The following CLSTN1 variants were observed in gnomAD, a reference collection of about 807,000 sequenced individuals.
The protein encoded by CLSTN1 is calsyntenin-1.
In CLSTN1, 28 loss-of-function variants were observed where a neutral mutation model predicts 108.3. The ratio of observed to expected loss-of-function variants is 0.26; its 90% CI spans 0.19 to 0.35. The LOEUF (loss-of-function observed/expected upper bound fraction) is 0.35, where lower values mean the gene tolerates loss of function less well. CLSTN1 is among the 10% of genes least tolerant of loss of function. The pLI, the probability that CLSTN1 is intolerant of heterozygous loss-of-function variation, is 1.00. For missense variants in CLSTN1, 1,157 were observed against 1,302.6 expected (o/e 0.89, Z 1.72); for synonymous variants, 524 against 534.9 (o/e 0.98, Z 0.28).
In CLSTN1 at chr1:9,731,822, C is replaced by T. The variant is rs373408826; in HGVS notation, c.2502G>A (p.Pro834=). The T allele has an allele frequency of 5.5e-5, 88 of 1,614,014 alleles. No homozygotes were observed. The highest frequency in any genetic ancestry group is 8.0e-5 in the African/African-American group (6 of 74,902). Residue 834 remains proline (P), a synonymous_variant, in exon 17 of 19, where the codon CCG becomes CCA. Coordinates refer to ENST00000377298, the MANE Select transcript of CLSTN1 (RefSeq NM_001009566.3). The part of the protein sequence containing the change: ...HMAAQPQFVH[P]EHRSFVDLSG... ...ACAGGTCAACAAAGGAGCGGTGTTC[C>T]GGGTGCACGAACTGTGGCTGGGCAG...
At chr1:9,743,320 G>A (rs1651072845) in intron 9 of CLSTN1, among the ~76,000 whole-genome samples, 1 of 152,194 alleles carries the variant, frequency 6.6e-6, no homozygotes, top group African/African-American at 2.4e-5. Context: ...TGCAATCCCA[G>A]CACTTTGGGC....
intron 1 of CLSTN1, among the ~76,000 whole-genome samples, chr1:9,784,613 A>G (rs1014027343): frequency 3.3e-5 from 5 of 152,240 alleles, no homozygotes; most frequent in African/African-American, 1.2e-4. Context: ...AAATATTGCA[A>G]GAGACTGTTG....
chr1:9,781,635 G>A (rs1339839783), intron 1 of CLSTN1, among the ~76,000 whole-genome samples: 1 of 151,942 alleles, frequency 6.6e-6, no homozygotes, highest in East Asian at 1.9e-4. Context: ...TAGAGATGGG[G>A]TTTCTCCATG....
chr1:9,774,863 G>A (rs534318802), intron 1 of CLSTN1, among the ~76,000 whole-genome samples: 14 of 152,206 alleles, frequency 9.2e-5, no homozygotes, highest in East Asian at 3.9e-4. Flanking sequence ...TTGATTACAC[G>A]CTAAACGAAG....
chr1:9,762,378 T>C (rs1161508742), intron 2 of CLSTN1, among the ~76,000 whole-genome samples: 3 of 151,888 alleles, frequency 2.0e-5, no homozygotes, highest in Non-Finnish European at 4.4e-5. Flanking sequence ...TGAGAATCGC[T>C]TGAACCCGGG....
chr1:9,737,698 T>C (rs879095379), intron 10 of CLSTN1, 144 bp from the exon 11 acceptor site: 2 of 699,502 alleles, frequency 2.9e-6, no homozygotes, highest in South Asian at 3.6e-5. Flanking sequence ...GATGTACCCA[T>C]CTGGACGCAA....
rs112068265 is a variant in CLSTN1, at chr1:9,773,212, T to G, written c.214+60A>C. 137 of 1,607,912 alleles carry G rather than the reference T, an allele frequency of 8.5e-5. 1 individual carries two copies. In the African/African-American group the frequency reaches 1.5e-3, roughly 18 times the overall value. ...CGCTCAGCATTACCCAAATGGGATG[T>G]GCAGAATGCTTCCTGACCAGGCCCG... On this transcript the variant is annotated intron_variant, in intron 2 of 18. Transcript: ENST00000377298.
intron 10 of CLSTN1, 73 bp downstream of exon 10, chr1:9,741,021 G>A: frequency 6.6e-7 from 1 of 1,512,566 alleles, no homozygotes; most frequent in Admixed American, 1.7e-5. Flanking sequence ...ACCGATCACA[G>A]CCTGCTGCCA....
At chr1:9,745,022 G>C (rs1262967831) in intron 7 of CLSTN1, among the ~76,000 whole-genome samples, 2 of 152,164 alleles carry the variant, frequency 1.3e-5, no homozygotes, top group Non-Finnish European at 2.9e-5. Flanking sequence ...AAAGTGCTGG[G>C]ATTACAGGCG....
rs80151220 is a variant in CLSTN1 at position 9,771,064 on chromosome 1, C to T, written c.214+2208G>A. 5.7e-4 allele frequency among the ~76,000 whole-genome samples: 87 copies of T among 152,244 alleles called. No homozygotes were observed. The East Asian group carries it at 0.016, about 27-fold the overall frequency. On this transcript the variant is annotated intron_variant, in intron 2 of 18. Transcript: ENST00000377298. Reference sequence around the variant, plus strand: ...AACAACATAGTAAGATCACACTGCACGAACAACAGGACTGCTGATACTTCA... The same window carrying T: ...AACAACATAGTAAGATCACACTGCATGAACAACAGGACTGCTGATACTTCA...
intron 2 of CLSTN1, among the ~76,000 whole-genome samples, chr1:9,764,406 G>A (rs769589066): frequency 6.6e-6 from 1 of 152,130 alleles, no homozygotes; most frequent in Non-Finnish European, 1.5e-5. Flanking sequence ...GGAGGCCAAG[G>A]CAGGTGGATC....
Position 9,772,153 on chromosome 1 carries a change from T to C in CLSTN1, c.214+1119A>G, listed in dbSNP as rs1235146882. ...CACCACACCCGGCTTTTTTTTTTTT[T>C]TTTTTTTTTTTTTAGTAGAGACGGG... On this transcript the variant is annotated intron_variant, in intron 2 of 18. Coordinates refer to ENST00000377298, the MANE Select transcript of CLSTN1 (RefSeq NM_001009566.3). Among the ~76,000 whole-genome samples, 24 of 145,222 alleles carry C rather than the reference T, an allele frequency of 1.7e-4. 1 individual carries two copies. The highest frequency in any genetic ancestry group is 1.5e-5 in the Non-Finnish European group (1 of 65,824).
In CLSTN1 at chr1:9,792,141, G is replaced by T. The variant is rs115995936; in HGVS notation, c.92-18747C>A. ...AGGTTGCAGTGAGCTGAGATCGGTC[G>T]TGCCACTGCACTCCAGCTTAGGCGA... On this transcript the variant is annotated intron_variant, in intron 1 of 18. Coordinates refer to ENST00000377298, the MANE Select transcript of CLSTN1 (RefSeq NM_001009566.3). Among the ~76,000 whole-genome samples, 730 of 150,904 alleles carry T rather than the reference G, an allele frequency of 4.8e-3. 7 individuals are homozygous for T. The highest frequency in any genetic ancestry group is 0.016 in the African/African-American group (655 of 41,390).
At chr1:9,775,969 C>T (rs910219500) in intron 1 of CLSTN1, among the ~76,000 whole-genome samples, 1 of 151,730 alleles carries the variant, frequency 6.6e-6, no homozygotes, top group Non-Finnish European at 1.5e-5. Flanking sequence ...ACAAAGCTGC[C>T]TCCTCTCTTT....
intron 1 of CLSTN1, chr1:9,781,199 G>A (rs1653226985): frequency 2.5e-6 from 2 of 788,108 alleles, no homozygotes; most frequent in African/African-American, 3.5e-5. Context: ...GCTTCGCAAG[G>A]CTACTGAAGC....
intron 1 of CLSTN1, among the ~76,000 whole-genome samples, chr1:9,819,218 ATT>A (rs1655103156): frequency 6.6e-6 from 1 of 152,200 alleles, no homozygotes; most frequent in Admixed American, 6.5e-5. Context: ...TCAGATCTCT[ATT>A]TTGTTTCAAC....
chr1:9,733,024 C>A (rs1048988892), intron 16 of CLSTN1, among the ~76,000 whole-genome samples: 9 of 152,046 alleles, frequency 5.9e-5, no homozygotes, highest in Non-Finnish European at 1.2e-4. Flanking sequence ...GACCTCGTCT[C>A]TAAAAATAAA....
chr1:9,810,257 T>C (rs1266494198), intron 1 of CLSTN1, among the ~76,000 whole-genome samples: 1 of 149,718 alleles, frequency 6.7e-6, no homozygotes, highest in Non-Finnish European at 1.5e-5. Context: ...AGGTGGATCA[T>C]CTAAGGTCAG....
At chr1:9,779,462 C>G (rs1165435795) in intron 1 of CLSTN1, among the ~76,000 whole-genome samples, 3 of 152,106 alleles carry the variant, frequency 2.0e-5, no homozygotes, top group African/African-American at 7.2e-5. Context: ...GAGGCTGAGG[C>G]AGGAGAATCG....
Sources: gnomAD v4.1 joint callset for allele counts (sites outside exome capture counted in the v4.1 genomes callset) on GRCh38, gnomAD v4.1.1 for gene constraint, MANE v1.5 for transcripts, NCBI Gene and HGNC (gene_info 2026-07-23, HGNC 2026-07-21) for gene names.